The following CAVIN2 variants were observed in gnomAD, a reference collection of about 807,000 sequenced individuals.
CAVIN2 encodes caveolae associated protein 2.
A neutral mutation model predicts 11.7 loss-of-function variants in CAVIN2; 13 were observed. The ratio of observed to expected loss-of-function variants is 1.11; its 90% confidence interval spans 0.72 to 1.77. The LOEUF (loss-of-function observed/expected upper bound fraction) is 1.77, where lower values mean the gene tolerates loss of function less well. CAVIN2 is among the 40% of genes most tolerant of loss of function. CAVIN2 has a pLI of 0.00. For missense variants in CAVIN2, 549 were observed against 542.9 expected, an observed-to-expected ratio of 1.01 and a Z score of -0.11; for synonymous variants, 237 against 223.2, an observed-to-expected ratio of 1.06 and a Z score of -0.55.
chr2:191,839,959 T>C (rs758204820), intron 1 of CAVIN2, among the ~76,000 whole-genome samples: 26 of 152,190 alleles, frequency 1.7e-4, no homozygotes, highest in Non-Finnish European at 3.4e-4. Flanking sequence ...ATGTGAGTGG[T>C]GTTTGACAGT....
rs1200983019 is a variant in CAVIN2 at position 191,834,778 on chromosome 2, C to T, written c.*1145G>A. On this transcript the variant is annotated 3_prime_UTR_variant, in exon 2 of 2. Transcript: ENST00000304141. ...AAAATATAATCTGGAATGAAATTCCCATTATGTACAAAAAAAGAAAAAATA... is the reference window on the plus strand; with the variant it reads ...AAAATATAATCTGGAATGAAATTCCTATTATGTACAAAAAAAGAAAAAATA... The T allele has an allele frequency of 6.6e-6, 1 of 151,884 alleles. No individual in the cohort carries two copies. Among genetic ancestry groups the T allele is most frequent in the African/African-American group, 2.4e-5 (1 of 41,388 alleles). The allele number at this position is 151,884 out of a possible 1,614,324, so 9.4% of individuals were successfully genotyped here.
rs1362777483 is a variant in CAVIN2, at chr2:191,846,446, G to T, written c.480C>A (p.Phe160Leu). ...LRRNHFKVLI[F>L]QEENEIPASV... ...AGGAGGCATAGGGGGAACTGACCTGGAAGATGAGCACTTTGAAATGGTTGC... is the reference window on the plus strand; with the variant it reads ...AGGAGGCATAGGGGGAACTGACCTGTAAGATGAGCACTTTGAAATGGTTGC... The change falls in exon 1 of 2, where the codon TTC (phenylalanine) becomes TTA (leucine). Residue 160 changes from phenylalanine to leucine, a missense_variant. Phe to Leu is a conservative substitution (Grantham distance 22). Coordinates refer to ENST00000304141, the MANE Select transcript of CAVIN2 (RefSeq NM_004657.6). 1 of 1,611,164 alleles carries T rather than the reference G, an allele frequency of 6.2e-7. No individual in the cohort carries two copies.
At chr2:191,838,839 A>G (rs1227443948) in intron 1 of CAVIN2, among the ~76,000 whole-genome samples, 1 of 152,198 alleles carries the variant, frequency 6.6e-6, no homozygotes, top group Non-Finnish European at 1.5e-5. Context: ...AGTGGCTGGA[A>G]TGGAGATTGC....
chr2:191,836,796 T>C lies in CAVIN2; in HGVS notation c.484-79A>G, dbSNP rs531355151. 66 of 1,314,022 alleles carry C rather than the reference T, an allele frequency of 5.0e-5. No individual in the cohort carries two copies. In the African/African-American group the frequency reaches 9.3e-4, roughly 19 times the overall value. 81.4% of individuals were successfully genotyped at this position (1,314,022 alleles called of 1,614,324 possible). A position where few individuals can be genotyped will look rare whatever the true frequency, so the allele number is the denominator to read the frequency against. On this transcript the variant is annotated intron_variant, in intron 1 of 1. Coordinates refer to ENST00000304141, the MANE Select transcript of CAVIN2 (RefSeq NM_004657.6). ...CCTGAGCTGCTGTAATACGTGTGTC[T>C]GTTTTGGAGACACGGTGATGGTAAA...
At position 191,846,871 on chromosome 2, in the gene CAVIN2, G is replaced by C. The variant is rs1457544223; in HGVS notation, c.55C>G (p.Arg19Gly). The C allele has an allele frequency of 1.9e-6, 3 of 1,613,984 alleles. No individual in the cohort carries two copies. Among genetic ancestry groups the C allele is most frequent in the East Asian group, 4.5e-5 (2 of 44,882 alleles). Residue 19 changes from arginine to glycine, a missense_variant, in exon 1 of 2, where the codon CGG becomes GGG. Arg to Gly is a moderately radical substitution (Grantham distance 125). Coordinates refer to ENST00000304141, the MANE Select transcript of CAVIN2 (RefSeq NM_004657.6). ...EKFQHPGSDMRQEKPSSPSPM... is the reference protein window; with the variant it reads ...EKFQHPGSDMGQEKPSSPSPM... ...CTGGGGCTCGAGGGCTTTTCCTGCC[G>C]CATGTCAGACCCAGGGTGCTGGAAC...
At chr2:191,839,309 T>C (rs1443550165) in intron 1 of CAVIN2, among the ~76,000 whole-genome samples, 1 of 152,222 alleles carries the variant, frequency 6.6e-6, no homozygotes, top group Non-Finnish European at 1.5e-5. Context: ...TTCCCTTTAT[T>C]TAATCCCAAC....
chr2:191,837,003 G>C (rs1690032125), intron 1 of CAVIN2, among the ~76,000 whole-genome samples: 1 of 152,206 alleles, frequency 6.6e-6, no homozygotes, highest in Non-Finnish European at 1.5e-5. Context: ...AGATAGACCA[G>C]GAAGCTGCCT....
chr2:191,843,822 C>A (rs1690128724), intron 1 of CAVIN2, among the ~76,000 whole-genome samples: 3 of 152,154 alleles, frequency 2.0e-5, no homozygotes, highest in African/African-American at 7.2e-5. Flanking sequence ...CATGCCAGTC[C>A]TTGCTAACTA....
intron 1 of CAVIN2, among the ~76,000 whole-genome samples, chr2:191,837,789 CA>C (rs1690043566): frequency 6.6e-6 from 1 of 152,220 alleles, no homozygotes; most frequent in Non-Finnish European, 1.5e-5. Context: ...AGCCAGTCAG[CA>C]AGATGTCTTC....
intron 1 of CAVIN2, among the ~76,000 whole-genome samples, chr2:191,838,298 T>G (rs1690049433): frequency 1.3e-5 from 2 of 152,198 alleles, no homozygotes; most frequent in African/African-American, 2.4e-5. Context: ...TTAGATATTA[T>G]ACAGAAACTT....
At chr2:191,845,229 G>GT (rs1690148935) in intron 1 of CAVIN2, among the ~76,000 whole-genome samples, 1 of 152,186 alleles carries the variant, frequency 6.6e-6, no homozygotes, top group Admixed American at 6.5e-5. Flanking sequence ...CAATATTCAA[G>GT]TGCAATTTGA....
In CAVIN2 at chr2:191,835,144, G is replaced by C. The variant is rs1315326456; in HGVS notation, c.*779C>G. 1 of 151,954 alleles carries C rather than the reference G, an allele frequency of 6.6e-6. No homozygotes were observed. Among genetic ancestry groups the C allele is most frequent in the Non-Finnish European group, 1.5e-5 (1 of 67,958 alleles). 9.4% of individuals were successfully genotyped at this position (151,954 alleles called of 1,614,324 possible). A position where few individuals can be genotyped will look rare whatever the true frequency, so the allele number is the denominator to read the frequency against. On this transcript the variant is annotated 3_prime_UTR_variant, in exon 2 of 2. Coordinates refer to ENST00000304141, the MANE Select transcript of CAVIN2 (RefSeq NM_004657.6). Reference sequence around the variant, plus strand: ...ATTCCAGGATATACGAACTTCTTTAGTATTTTTATTTAAAGAGTGAAATAG... The same window carrying C: ...ATTCCAGGATATACGAACTTCTTTACTATTTTTATTTAAAGAGTGAAATAG...
intron 1 of CAVIN2, among the ~76,000 whole-genome samples, chr2:191,838,036 C>T (rs993111888): frequency 5.9e-5 from 9 of 152,232 alleles, no homozygotes; most frequent in African/African-American, 9.6e-5. Flanking sequence ...AAGCTCCAGA[C>T]CCCCCTGCCA....
At chr2:191,841,616 A>G (rs1690093994) in intron 1 of CAVIN2, among the ~76,000 whole-genome samples, 1 of 152,202 alleles carries the variant, frequency 6.6e-6, no homozygotes, top group Admixed American at 6.5e-5. Flanking sequence ...TCCATAGTGT[A>G]CTGATACCAA....
At chr2:191,840,267 C>T (rs1339770670) in intron 1 of CAVIN2, among the ~76,000 whole-genome samples, 1 of 152,206 alleles carries the variant, frequency 6.6e-6, no homozygotes, top group Admixed American at 6.5e-5. Flanking sequence ...CTTCCCTGCC[C>T]TAGTTACTTC....
At chr2:191,841,278 T>A (rs939728321) in intron 1 of CAVIN2, among the ~76,000 whole-genome samples, 1 of 152,216 alleles carries the variant, frequency 6.6e-6, no homozygotes, top group Non-Finnish European at 1.5e-5. Flanking sequence ...TGTTCTTTGT[T>A]ACAAATAAAC....
At position 191,836,576 on chromosome 2, in the gene CAVIN2, G is replaced by T; in HGVS notation, c.625C>A (p.Pro209Thr). ...TCTTCCAGGGCCTCCTCATCGTGGG[G>T]CAAATCATCATCTGAGGAGAGGTCC... is the stretch of plus-strand genomic sequence containing the variant. ...TVDLSSDDDL[P>T]HDEEALEDSA... Residue 209 changes from proline (P) to threonine (T), a missense_variant, in exon 2 of 2, where the codon CCC becomes ACC. Transcript: ENST00000304141. The T allele has an allele frequency of 1.2e-6, 2 of 1,614,078 alleles. No homozygotes were observed. The highest frequency in any genetic ancestry group is 1.7e-6 in the Non-Finnish European group (2 of 1,180,026).
At position 191,836,357 on chromosome 2, in the gene CAVIN2, T is replaced by C. The variant is rs531546228; in HGVS notation, c.844A>G (p.Ile282Val). Reference sequence around the variant, plus strand: ...AAGGGGGAGCTTTTTCCTGAGGATATTTTCTGGTGATTTGACGTGAGAGAT... The same window carrying C: ...AAGGGGGAGCTTTTTCCTGAGGATACTTTCTGGTGATTTGACGTGAGAGAT... ...KKSLTSNHQK[I>V]SSGKSSPFKV... Residue 282 changes from isoleucine to valine, a missense_variant, in exon 2 of 2, where the codon ATA becomes GTA. Physicochemically the swap from Ile to Val is conservative, Grantham distance 29. Transcript: ENST00000304141. 1.4e-5 allele frequency: 23 copies of C among 1,614,168 alleles called. No individual in the cohort carries two copies. The South Asian group carries it at 2.3e-4, about 16-fold the overall frequency.
intron 1 of CAVIN2, 113 bp from the exon 2 acceptor site, chr2:191,836,830 T>A: frequency 9.8e-7 from 1 of 1,021,182 alleles, no homozygotes; most frequent in Non-Finnish European, 1.4e-6. Context: ...AAAAAACAAA[T>A]GTTTGTGGCT....
Sources: allele counts gnomAD v4.1 joint callset (sites outside exome capture counted in the v4.1 genomes callset), GRCh38; gene constraint gnomAD v4.1.1; transcripts MANE v1.5; gene names NCBI Gene and HGNC (gene_info 2026-07-23, HGNC 2026-07-21).